Variants in BRCA1 observed in about 807,000 individuals in gnomAD.
The protein encoded by BRCA1 is breast cancer type 1 susceptibility protein.
Under a neutral mutation model 173.7 loss-of-function variants are expected in BRCA1, and 140 were observed. That is an observed-to-expected ratio of 0.81 (90% CI 0.70 to 0.93). The LOEUF (loss-of-function observed/expected upper bound fraction) is 0.93. BRCA1 is among the 40% of genes least tolerant of loss of function. The pLI, the probability that BRCA1 is intolerant of heterozygous loss-of-function variation, is 0.00. For missense variants in BRCA1, 1,983 were observed against 2,172.5 expected (o/e 0.91, Z 1.73); for synonymous variants, 662 against 756.0 (o/e 0.88, Z 2.04).
At chr17:43,143,935 A>T (rs932375229) in intron 1 of BRCA1, among the ~76,000 whole-genome samples, 1 of 152,108 alleles carries the variant, frequency 6.6e-6, no homozygotes, top group Non-Finnish European at 1.5e-5. Flanking sequence ...TATAAAAAAA[A>T]CCAGGCCGGG....
intron 7 of BRCA1, among the ~76,000 whole-genome samples, chr17:43,097,501 C>A (rs1455299747): frequency 6.6e-6 from 1 of 152,066 alleles, no homozygotes; most frequent in East Asian, 1.9e-4. Context: ...ACCTGTAATC[C>A]CAGCACTTGA....
At chr17:43,128,733 G>A (rs148217629), upstream of BRCA1, among the ~76,000 whole-genome samples, 1,240 of 151,542 alleles carry the variant, frequency 8.2e-3, 14 homozygotes, top group Non-Finnish European at 9.0e-3. Context: ...TCGAGACCCC[G>A]TTAAAGAGAT....
intron 1 of BRCA1, among the ~76,000 whole-genome samples, chr17:43,149,167 C>T (rs1278616979): frequency 5.9e-5 from 9 of 151,572 alleles, no homozygotes; most frequent in African/African-American, 1.9e-4. Context: ...GGCACGATCT[C>T]GGCTCACTGC....
At chr17:43,112,314 C>T (rs2055072538) in intron 3 of BRCA1, among the ~76,000 whole-genome samples, 1 of 152,154 alleles carries the variant, frequency 6.6e-6, no homozygotes. Flanking sequence ...TCTCGAACTC[C>T]TGACCTCGTG....
At chr17:43,110,525 A>C (rs1024069027) in intron 3 of BRCA1, 17 of 441,350 alleles carry the variant, frequency 3.9e-5, no homozygotes, top group Admixed American at 3.7e-4. Flanking sequence ...GGTCAAGGCA[A>C]CAGTAAGCCT....
chr17:43,109,397 A>G (rs1251697357), intron 3 of BRCA1, among the ~76,000 whole-genome samples: 1 of 152,124 alleles, frequency 6.6e-6, no homozygotes, highest in Admixed American at 6.6e-5. Context: ...CAAAGCCCAC[A>G]ATCTTCCTTT....
intron 18 of BRCA1, among the ~76,000 whole-genome samples, chr17:43,062,225 C>T (rs527537657): frequency 3.6e-4 from 55 of 151,900 alleles, no homozygotes; most frequent in Non-Finnish European, 7.2e-4. Flanking sequence ...TCCTCAGTAG[C>T]TAAGACTACA....
chr17:43,145,604 G>A (rs1321760640), intron 1 of BRCA1, among the ~76,000 whole-genome samples: 2 of 152,186 alleles, frequency 1.3e-5, no homozygotes, highest in Non-Finnish European at 2.9e-5. Context: ...GGGATTACAG[G>A]CGTGAGCCAC....
chr17:43,053,702 G>A (rs900878267), intron 19 of BRCA1, among the ~76,000 whole-genome samples: 3 of 151,864 alleles, frequency 2.0e-5, no homozygotes, highest in Non-Finnish European at 4.4e-5. Flanking sequence ...CAGGCCGGGC[G>A]CGGTGGCCTG....
intron 1 of BRCA1, among the ~76,000 whole-genome samples, chr17:43,142,952 GTGTGTGTGTGTGTGTA>G (rs2056086904): frequency 6.8e-5 from 6 of 88,482 alleles, no homozygotes; most frequent in Non-Finnish European, 1.5e-4. Flanking sequence ...ATATATATAT[GTGTGTGTGTGTGTGTA>G]TATATATGTG....
chr17:43,050,618 GAAA>G (rs774947869), intron 20 of BRCA1, among the ~76,000 whole-genome samples: 1 of 72,920 alleles, frequency 1.4e-5, no homozygotes. Flanking sequence ...CAAAAAAAAA[GAAA>G]AAAAAAAAGA....
At chr17:43,124,655 C>T (rs1313014238) in intron 1 of BRCA1, 1 of 174,002 alleles carries the variant, frequency 5.7e-6, no homozygotes, top group Non-Finnish European at 1.2e-5. Context: ...AGTTCTCCCT[C>T]CCACAAAATC....
At chr17:43,155,245 C>T (rs28481396) in intron 1 of BRCA1, among the ~76,000 whole-genome samples, 5 of 152,140 alleles carry the variant, frequency 3.3e-5, no homozygotes, top group Admixed American at 3.3e-4. Flanking sequence ...TCTCAGCTCT[C>T]TGTAACCTCT....
In BRCA1 at chr17:43,146,123, T is replaced by C. The variant is rs1389631188; in HGVS notation, c.-19-22008A>G. ...AAGTGAAATACTAAAAATTTGAATATGTAGTATACATGCTATTCAGTTGTG... is the reference window on the plus strand; with the variant it reads ...AAGTGAAATACTAAAAATTTGAATACGTAGTATACATGCTATTCAGTTGTG... On this transcript the variant is annotated intron_variant, in intron 1 of 7. Transcript: ENST00000634433. Among the ~76,000 whole-genome samples the C allele has an allele frequency of 1.8e-4, 27 of 152,192 alleles. 1 individual carries two copies. Among genetic ancestry groups the C allele is most frequent in the Middle Eastern group, 3.4e-3 (1 of 294 alleles).
chr17:43,132,297 G>A (rs537771977), intron 1 of BRCA1, among the ~76,000 whole-genome samples: 4 of 152,014 alleles, frequency 2.6e-5, no homozygotes, highest in East Asian at 3.9e-4. Context: ...GTGCTATCTC[G>A]AGGGGCCTGT....
chr17:43,108,802 G>A (rs2054908829), intron 3 of BRCA1, among the ~76,000 whole-genome samples: 1 of 149,560 alleles, frequency 6.7e-6, no homozygotes, highest in Non-Finnish European at 1.5e-5. Flanking sequence ...AGACCAGCCT[G>A]ACCAACACGG....
chr17:43,105,995 C>T (rs1250519367), intron 4 of BRCA1, among the ~76,000 whole-genome samples: 21 of 151,596 alleles, frequency 1.4e-4, no homozygotes, highest in Admixed American at 1.1e-3. Context: ...GGCATGGTAG[C>T]GTGTGCCTGT....
chr17:43,100,624 T>C (rs2054377442), intron 6 of BRCA1, among the ~76,000 whole-genome samples: 2 of 83,736 alleles, frequency 2.4e-5, no homozygotes, highest in Non-Finnish European at 4.2e-5. Flanking sequence ...ATATAACATA[T>C]ATATATGTTA....
chr17:43,162,551 AC>A (rs746357551), intron 1 of BRCA1: 4 of 152,198 alleles, frequency 2.6e-5, no homozygotes, highest in African/African-American at 4.8e-5. Context: ...ATAACATTAT[AC>A]AAACAAGTTA....
Sources: allele counts gnomAD v4.1 joint callset (sites outside exome capture counted in the v4.1 genomes callset), GRCh38; gene constraint gnomAD v4.1.1; transcripts MANE v1.5; gene names NCBI Gene and HGNC (gene_info 2026-07-23, HGNC 2026-07-21).